Variants in LLGL2 observed in about 807,000 individuals in gnomAD.
LLGL2 encodes the protein LLGL scribble cell polarity complex component 2, also known as LLGL2, scribble cell polarity complex component.
Under a neutral mutation model 123.2 loss-of-function variants are expected in LLGL2, and 81 were observed. That is an observed-to-expected ratio of 0.66 (90% CI 0.55 to 0.79). LLGL2 has a LOEUF of 0.79. LLGL2 is among the 30% of genes least tolerant of loss of function. The pLI, the probability that LLGL2 is intolerant of heterozygous loss-of-function variation, is 0.00. For missense variants in LLGL2, 1,273 were observed against 1,414.6 expected, an observed-to-expected ratio of 0.90 and a Z score of 1.61; for synonymous variants, 577 against 594.1, an observed-to-expected ratio of 0.97 and a Z score of 0.42.
intron 2 of LLGL2, among the ~76,000 whole-genome samples, chr17:75,552,350 G>A (rs376424340): frequency 2.6e-5 from 4 of 152,066 alleles, no homozygotes; most frequent in Non-Finnish European, 2.9e-5. Flanking sequence ...CTAGCTGGGC[G>A]TGGTGGTGTG....
chr17:75,554,762 G>A (rs572047193), intron 2 of LLGL2, among the ~76,000 whole-genome samples: 17 of 151,774 alleles, frequency 1.1e-4, no homozygotes, highest in South Asian at 2.1e-4. Flanking sequence ...GGTGGCGGGC[G>A]CCTGTAGTCC....
chr17:75,567,434 A>G (rs559341760), intron 10 of LLGL2, among the ~76,000 whole-genome samples: 4 of 152,040 alleles, frequency 2.6e-5, no homozygotes, highest in Non-Finnish European at 5.9e-5. Context: ...ATTGCACTCC[A>G]GCCTGGGCAA....
chr17:75,551,643 G>C (rs1461048843), intron 2 of LLGL2, among the ~76,000 whole-genome samples: 6 of 152,072 alleles, frequency 3.9e-5, no homozygotes, highest in Admixed American at 3.9e-4. Flanking sequence ...AATGTTAGAA[G>C]AACTGCCCGC....
chr17:75,571,818 G>C, intron 18 of LLGL2, 35 bp downstream of exon 18: 3 of 1,602,746 alleles, frequency 1.9e-6, no homozygotes, highest in Non-Finnish European at 2.6e-6. Context: ...AGGGTGCTCG[G>C]GCTGCCTGGG....
At chr17:75,569,346 G>C in intron 14 of LLGL2, 21 bp downstream of exon 14, 1 of 1,585,960 alleles carries the variant, frequency 6.3e-7, no homozygotes, top group Non-Finnish European at 8.7e-7. Flanking sequence ...GGGCTGGGGA[G>C]GGGGAGCTGG....
In LLGL2 at chr17:75,569,127, G is replaced by A. The variant is rs766073577; in HGVS notation, c.1472G>A (p.Arg491His). 17 of 1,613,288 alleles carry A rather than the reference G, an allele frequency of 1.1e-5. No homozygotes were observed. The highest frequency in any genetic ancestry group is 2.2e-5 in the East Asian group (1 of 44,876). Residue 491 changes from arginine to histidine, a missense_variant, in exon 13 of 26, where the codon CGC becomes CAC. Transcript: ENST00000392550. ...AQGEDEWPPLRKVGSFDPYSD... is the reference protein window; with the variant it reads ...AQGEDEWPPLHKVGSFDPYSD... The stretch of plus-strand genomic sequence containing the variant: ...GGCGAGGACGAGTGGCCCCCACTCC[G>A]CAAGGTGAGGCCAGGAGCCTGGGAC...
At chr17:75,531,793 C>T (rs2053797214) in intron 1 of LLGL2, among the ~76,000 whole-genome samples, 1 of 152,212 alleles carries the variant, frequency 6.6e-6, no homozygotes. Flanking sequence ...GCCTTCCCCA[C>T]AGCCCTGCCT....
intron 1 of LLGL2, among the ~76,000 whole-genome samples, chr17:75,529,443 G>C (rs2053694508): frequency 1.3e-5 from 2 of 151,834 alleles, no homozygotes; most frequent in South Asian, 4.2e-4. Context: ...GACTTCAAGT[G>C]ATCTGCCTGC....
chr17:75,543,223 A>G (rs916178205), intron 1 of LLGL2, 174 bp from the exon 2 acceptor site: 15 of 414,130 alleles, frequency 3.6e-5, no homozygotes, highest in Non-Finnish European at 6.1e-5. Flanking sequence ...GCCGGCCTCT[A>G]GATCTGAGCG....
In LLGL2 at chr17:75,549,836, T is replaced by G. The variant is rs1004869451; in HGVS notation, c.76-6210T>G. On this transcript the variant is annotated intron_variant, in intron 2 of 25. Transcript: ENST00000392550. The surrounding 1 kb of genome is among the most constrained non-coding windows in gnomAD (Gnocchi z 4.0). The stretch of plus-strand genomic sequence containing the variant: ...GCCCCACTGTCTCTGACAGCCAGCC[T>G]TTGCCCACTCGCTCCCCTTCCGGGA... Among the ~76,000 whole-genome samples the G allele has an allele frequency of 6.6e-6, 1 of 152,120 alleles. No homozygotes were observed. Among genetic ancestry groups the G allele is most frequent in the East Asian group, 1.9e-4 (1 of 5,168 alleles).
Position 75,570,481 on chromosome 17 carries a change from G to T in LLGL2, c.2008G>T (p.Ala670Ser). Residue 670 changes from alanine to serine, a missense_variant, in exon 16 of 26, where the codon GCT becomes TCT. Ala to Ser is a moderately conservative substitution (Grantham distance 99). Transcript: ENST00000392550. ...GGTGTCCAGCCGGAAGCGGCACCCGGCTGGCCCCCCAGGAGAGGTGAGGCC... is the reference window on the plus strand; with the variant it reads ...GGTGTCCAGCCGGAAGCGGCACCCGTCTGGCCCCCCAGGAGAGGTGAGGCC... Reference protein sequence around the residue: ...SRVSSRKRHPAGPPGEAQEGS... With the variant: ...SRVSSRKRHPSGPPGEAQEGS... 6.3e-7 allele frequency: 1 copy of T among 1,576,736 alleles called. No individual in the cohort carries two copies. The highest frequency in any genetic ancestry group is 8.6e-7 in the Non-Finnish European group (1 of 1,162,556).
In LLGL2 at chr17:75,549,749, G is replaced by C. The variant is rs568144660; in HGVS notation, c.75+6248G>C. ...CCTTCCCACCCCCTGAGGAGTGCCA[G>C]GGACTCCTCCTCAGGTCCTAGCCCT... On this transcript the variant is annotated intron_variant, in intron 2 of 25. Transcript: ENST00000392550. This position sits in a 1 kb window ranked among gnomAD's most constrained non-coding sequence, Gnocchi z 4.0. Among the ~76,000 whole-genome samples the C allele has an allele frequency of 6.6e-6, 1 of 152,186 alleles. No individual in the cohort carries two copies. Among genetic ancestry groups the C allele is most frequent in the African/African-American group, 2.4e-5 (1 of 41,436 alleles).
At chr17:75,528,143 T>C (rs1598490495) in intron 1 of LLGL2, among the ~76,000 whole-genome samples, 1 of 151,638 alleles carries the variant, frequency 6.6e-6, no homozygotes, top group East Asian at 2.0e-4. Context: ...TGAGACAGAG[T>C]CTCGCTCTGT....
rs112224435 is a variant in LLGL2 at position 75,558,825 on chromosome 17, C to T, written c.371+198C>T. 7.0e-5 allele frequency: 31 copies of T among 439,958 alleles called. 1 individual carries two copies. Among genetic ancestry groups the T allele is most frequent in the African/African-American group, 5.3e-4 (19 of 35,844 alleles). 27.3% of individuals were successfully genotyped at this position (439,958 alleles called of 1,614,324 possible). A position where few individuals can be genotyped will look rare whatever the true frequency, so the allele number is the denominator to read the frequency against. On this transcript the variant is annotated intron_variant, in intron 5 of 25. Coordinates refer to ENST00000392550, the MANE Select transcript of LLGL2 (RefSeq NM_001031803.2). This position sits in a 1 kb window ranked among gnomAD's most constrained non-coding sequence, Gnocchi z 4.0. Reference sequence around the variant, plus strand: ...CAGCCTGCCTCCTCCATCCACACCACGCCTCCTCCATCCGCACCCCACCTC... The same window carrying T: ...CAGCCTGCCTCCTCCATCCACACCATGCCTCCTCCATCCGCACCCCACCTC...
At chr17:75,525,344 G>T (rs913590750), upstream of LLGL2, among the ~76,000 whole-genome samples, 2 of 152,104 alleles carry the variant, frequency 1.3e-5, no homozygotes, top group African/African-American at 2.4e-5. This position sits in a 1 kb window ranked among gnomAD's most constrained non-coding sequence, Gnocchi z 4.8. Context: ...TCCCTCGGCA[G>T]CTCCCGGGAG....
Position 75,558,344 on chromosome 17 carries a change from C to T in LLGL2, c.255+108C>T. Reference sequence around the variant, plus strand: ...CTGGCATTCGGTGGCCCTGGGTTTGCTGCTGATGGAAAGACCTGGGACCCC... The same window carrying T: ...CTGGCATTCGGTGGCCCTGGGTTTGTTGCTGATGGAAAGACCTGGGACCCC... On this transcript the variant is annotated intron_variant, in intron 4 of 25. Transcript: ENST00000392550. This position sits in a 1 kb window ranked among gnomAD's most constrained non-coding sequence, Gnocchi z 4.0. The T allele has an allele frequency of 4.8e-6, 6 of 1,258,432 alleles. No individual in the cohort carries two copies. Among genetic ancestry groups the T allele is most frequent in the East Asian group, 2.4e-5 (1 of 41,500 alleles). 78.0% of individuals were successfully genotyped at this position (1,258,432 alleles called of 1,614,324 possible).
intron 1 of LLGL2, among the ~76,000 whole-genome samples, chr17:75,526,518 G>A (rs1197847176): frequency 6.6e-6 from 1 of 152,196 alleles, no homozygotes; most frequent in Non-Finnish European, 1.5e-5. Context: ...CCGGCTGGAC[G>A]ATTGGTGGAC....
intron 10 of LLGL2, chr17:75,568,142 G>C (rs2055526795): frequency 1.6e-6 from 2 of 1,236,306 alleles, no homozygotes; most frequent in African/African-American, 1.5e-5. Flanking sequence ...TGAGCAGGGA[G>C]AGCAGGCCCC....
chr17:75,554,302 CAAAAAA>C (rs72439797), intron 2 of LLGL2, among the ~76,000 whole-genome samples: 3 of 133,966 alleles, frequency 2.2e-5, no homozygotes, highest in Admixed American at 7.7e-5. Context: ...AACTCCGTCT[CAAAAAA>C]AAAAAAAAAA....
Sources: gnomAD v4.1 joint callset for allele counts (sites outside exome capture counted in the v4.1 genomes callset) on GRCh38, gnomAD v4.1.1 for gene constraint, Gnocchi (gnomAD v3.1) non-coding constraint, MANE v1.5 for transcripts, NCBI Gene and HGNC (gene_info 2026-07-23, HGNC 2026-07-21) for gene names.